The following SH3RF1 variants were observed in gnomAD, a reference collection of about 807,000 sequenced individuals.
SH3RF1 encodes the protein SH3 domain containing ring finger 1.
Under a neutral mutation model 74.0 loss-of-function variants are expected in SH3RF1, and 32 were observed. The ratio of observed to expected loss-of-function variants is 0.43; its 90% CI spans 0.33 to 0.58. The LOEUF (loss-of-function observed/expected upper bound fraction) is 0.58. Among genes scored for constraint, SH3RF1 ranks in the 20% least tolerant of loss-of-function variants. The pLI, the probability that SH3RF1 is intolerant of heterozygous loss-of-function variation, is 0.05. For missense variants in SH3RF1, 954 were observed against 1,130.9 expected (o/e 0.84, Z 2.24); for synonymous variants, 396 against 439.6 (o/e 0.90, Z 1.24).
chr4:169,094,268 A>G lies in SH3RF1; in HGVS notation c.*2251T>C, dbSNP rs1179788450. 6.6e-6 allele frequency: 1 copy of G among 152,154 alleles called. No individual in the cohort carries two copies. Among genetic ancestry groups the G allele is most frequent in the Non-Finnish European group, 1.5e-5 (1 of 68,018 alleles). 9.4% of individuals were successfully genotyped at this position (152,154 alleles called of 1,614,324 possible). ...ACACAAGGGACATACAAAGGTTTGA[A>G]CATCAAATTTTAATCTTGAAACCTT... On this transcript the variant is annotated 3_prime_UTR_variant, in exon 12 of 12. Coordinates refer to ENST00000284637, the MANE Select transcript of SH3RF1 (RefSeq NM_020870.4).
intron 2 of SH3RF1, among the ~76,000 whole-genome samples, chr4:169,223,386 G>C (rs1408147769): frequency 1.3e-5 from 2 of 152,178 alleles, no homozygotes; most frequent in African/African-American, 2.4e-5. Context: ...GAAAGGGGTG[G>C]TGGCTAAAAT....
intron 11 of SH3RF1, among the ~76,000 whole-genome samples, chr4:169,097,518 T>C (rs1732951852): frequency 6.6e-6 from 1 of 152,210 alleles, no homozygotes; most frequent in Non-Finnish European, 1.5e-5. Context: ...CCTGCCTCCA[T>C]GCTCCTTAGC....
rs2110762833 is a variant in SH3RF1, at chr4:169,265,012, A to C, written c.393+3808T>G. Among the ~76,000 whole-genome samples the C allele has an allele frequency of 2.0e-5, 3 of 152,262 alleles. No individual in the cohort carries two copies. The Middle Eastern group carries it at 0.01, about 518-fold the overall frequency. ...ATGCCTCTTCCTCAGGAAGCTTTTG[A>C]AGATCACACACACAATTCACCCTCA... On this transcript the variant is annotated intron_variant, in intron 2 of 11. Coordinates refer to ENST00000284637, the MANE Select transcript of SH3RF1 (RefSeq NM_020870.4).
chr4:169,142,238 G>A (rs560818753), intron 4 of SH3RF1, among the ~76,000 whole-genome samples: 3 of 152,282 alleles, frequency 2.0e-5, no homozygotes, highest in Admixed American at 6.5e-5. Context: ...TTACAGGCGT[G>A]AGCGATTGCG....
At chr4:169,153,412 C>G (rs1435776150) in intron 4 of SH3RF1, among the ~76,000 whole-genome samples, 1 of 152,074 alleles carries the variant, frequency 6.6e-6, no homozygotes, top group Non-Finnish European at 1.5e-5. Flanking sequence ...TGTGATGCAG[C>G]CTGTTTTTAT....
rs1209097969 is a variant in SH3RF1 at position 169,107,089 on chromosome 4, A to G, written c.2256T>C (p.Pro752=). The change falls in exon 11 of 12, where the codon CCT becomes CCC. Residue 752 remains proline, a synonymous_variant. Coordinates refer to ENST00000284637, the MANE Select transcript of SH3RF1 (RefSeq NM_020870.4). ...LEVELGSAEL[P]LQGAVGPELP... ...GTTCGGGCCCCACCGCTCCCTGGAG[A>G]GGAAGCTCTGCACTGCCCAGCTCCA... is the stretch of plus-strand genomic sequence containing the variant. The G allele has an allele frequency of 6.2e-7, 1 of 1,613,964 alleles. No homozygotes were observed. The highest frequency in any genetic ancestry group is 2.2e-5 in the East Asian group (1 of 44,880).
intron 2 of SH3RF1, among the ~76,000 whole-genome samples, chr4:169,252,514 A>G (rs1731122511): frequency 6.6e-6 from 1 of 152,252 alleles, no homozygotes; most frequent in Non-Finnish European, 1.5e-5. Context: ...ACTCCCTACC[A>G]TCTGGCACCT....
At chr4:169,242,824 T>C (rs1415355938) in intron 2 of SH3RF1, among the ~76,000 whole-genome samples, 2 of 152,192 alleles carry the variant, frequency 1.3e-5, no homozygotes, top group Non-Finnish European at 2.9e-5. Flanking sequence ...AAGGAAGCCC[T>C]TGCCAGATCT....
intron 2 of SH3RF1, among the ~76,000 whole-genome samples, chr4:169,227,595 G>C (rs1166009381): frequency 3.5e-5 from 1 of 28,802 alleles, no homozygotes; most frequent in Non-Finnish European, 1.2e-4. Context: ...GGCAGGGGTA[G>C]CTGGGATCCC....
At chr4:169,243,546 A>G (rs985500102) in intron 2 of SH3RF1, among the ~76,000 whole-genome samples, 7 of 152,168 alleles carry the variant, frequency 4.6e-5, no homozygotes, top group African/African-American at 1.7e-4. Flanking sequence ...AATAAATAAT[A>G]AAATTAGAAC....
intron 2 of SH3RF1, among the ~76,000 whole-genome samples, chr4:169,192,863 GATAT>G (rs570960034): frequency 2.1e-5 from 3 of 145,196 alleles, no homozygotes; most frequent in Non-Finnish European, 3.0e-5. Context: ...ATATAGATGT[GATAT>G]ATATATCATA....
chr4:169,155,209 G>A (rs58351313), intron 4 of SH3RF1, among the ~76,000 whole-genome samples: 1,795 of 152,292 alleles, frequency 0.012, 42 homozygotes, highest in African/African-American at 0.041. Context: ...AGGAAATAGT[G>A]TAGGTGACTG....
chr4:169,138,849 C>T (rs1234984821), intron 4 of SH3RF1, among the ~76,000 whole-genome samples: 2 of 152,144 alleles, frequency 1.3e-5, no homozygotes, highest in Admixed American at 1.3e-4. Context: ...ATATTGTTCC[C>T]AATATTTCCT....
At chr4:169,112,846 T>C (rs1346761243) in intron 10 of SH3RF1, among the ~76,000 whole-genome samples, 9 of 152,148 alleles carry the variant, frequency 5.9e-5, no homozygotes, top group African/African-American at 1.4e-4. Flanking sequence ...ACAGACCCGC[T>C]GTGGAGGATG....
intron 2 of SH3RF1, among the ~76,000 whole-genome samples, chr4:169,240,552 T>C (rs897832986): frequency 6.6e-6 from 1 of 152,222 alleles, no homozygotes; most frequent in African/African-American, 2.4e-5. Flanking sequence ...AATTTAAAGA[T>C]ACCAACGTGT....
intron 2 of SH3RF1, among the ~76,000 whole-genome samples, chr4:169,254,466 A>G (rs1351519060): frequency 6.6e-6 from 1 of 152,242 alleles, no homozygotes; most frequent in South Asian, 2.1e-4. Flanking sequence ...TATGTATTAA[A>G]GCAATTGCAT....
In SH3RF1 at chr4:169,172,100, C is replaced by G. The variant is rs186946917; in HGVS notation, c.394-15421G>C. 4.3e-4 allele frequency among the ~76,000 whole-genome samples: 65 copies of G among 152,260 alleles called. 1 individual carries two copies. Among genetic ancestry groups the G allele is most frequent in the Admixed American group, 4.0e-3 (61 of 15,284 alleles). On this transcript the variant is annotated intron_variant, in intron 2 of 11. Transcript: ENST00000284637. ...TAAAGGAAGGTGGGAGGTAGAAGTA[C>G]TCTAAATTTTCCACTCTGAAATTGA...
At chr4:169,110,159 G>C (rs551534088) in intron 10 of SH3RF1, among the ~76,000 whole-genome samples, 2 of 152,062 alleles carry the variant, frequency 1.3e-5, no homozygotes, top group Admixed American at 1.3e-4. Flanking sequence ...AGGATTGCTT[G>C]AGCCCAGGAG....
At chr4:169,118,563 C>T (rs1175552971) in intron 8 of SH3RF1, among the ~76,000 whole-genome samples, 6 of 152,086 alleles carry the variant, frequency 3.9e-5, no homozygotes, top group Non-Finnish European at 8.8e-5. Context: ...TCAAGTGATT[C>T]TCCTGTCTAA....
Sources: gnomAD v4.1 joint callset for allele counts (sites outside exome capture counted in the v4.1 genomes callset) on GRCh38, gnomAD v4.1.1 for gene constraint, MANE v1.5 for transcripts, NCBI Gene and HGNC (gene_info 2026-07-23, HGNC 2026-07-21) for gene names.